The following RASA3 variants were observed in gnomAD, a reference collection of about 807,000 sequenced individuals.
RASA3 encodes the protein RAS p21 protein activator 3, also known as ras GTPase-activating protein 3.
In RASA3, 73 loss-of-function variants were observed where a neutral mutation model predicts 110.0. The observed-to-expected ratio is 0.66, with a 90% CI of 0.55 to 0.81. The LOEUF (loss-of-function observed/expected upper bound fraction) is 0.81. RASA3 is among the 30% of genes least tolerant of loss of function. The pLI is 0.00. For missense variants in RASA3, 976 were observed against 1,113.2 expected (o/e 0.88, Z 1.75); for synonymous variants, 500 against 451.4 (o/e 1.11, Z -1.37).
chr13:114,088,487 G>A (rs887644852), intron 1 of RASA3, among the ~76,000 whole-genome samples: 7 of 151,904 alleles, frequency 4.6e-5, no homozygotes, highest in East Asian at 1.9e-4. Flanking sequence ...ATCACACTTC[G>A]ACTTCCTTAT....
chr13:114,007,744 C>T (rs2053548826), intron 17 of RASA3, 138 bp from the exon 18 acceptor site: 1 of 724,168 alleles, frequency 1.4e-6, no homozygotes, highest in Admixed American at 2.0e-5. Flanking sequence ...GTGAGTCCTT[C>T]CCCGAGGGCT....
chr13:114,118,134 G>A (rs1193089231), intron 1 of RASA3, among the ~76,000 whole-genome samples: 1 of 152,022 alleles, frequency 6.6e-6, no homozygotes, highest in Non-Finnish European at 1.5e-5. Flanking sequence ...ATAAATACGT[G>A]GCCACGTTCA....
chr13:114,132,538 CG>C lies in RASA3; in HGVS notation c.-50del. Reference sequence around the variant, plus strand: ...CCTCGCCCCAAGCGCGCGCCGAGCCCGGGCAGCTCAGGCCGAGCAGGAGGAG... The same window carrying C: ...CCTCGCCCCAAGCGCGCGCCGAGCCCGGCAGCTCAGGCCGAGCAGGAGGAG... On this transcript the variant is annotated 5_prime_UTR_variant, in exon 1 of 24. Coordinates refer to ENST00000334062, the MANE Select transcript of RASA3 (RefSeq NM_007368.4). 7.1e-7 allele frequency: 1 copy of C among 1,406,802 alleles called. No individual in the cohort carries two copies. The highest frequency in any genetic ancestry group is 9.3e-7 in the Non-Finnish European group (1 of 1,076,522). The allele number at this position is 1,406,802 out of a possible 1,614,324, so 87.1% of individuals were successfully genotyped here. A position where few individuals can be genotyped will look rare whatever the true frequency, so the allele number is the denominator to read the frequency against.
At chr13:114,087,736 A>G (rs2139703991) in intron 1 of RASA3, among the ~76,000 whole-genome samples, 1 of 152,364 alleles carries the variant, frequency 6.6e-6, no homozygotes, top group Admixed American at 6.5e-5. Flanking sequence ...CATTTCAGTG[A>G]CAGATAACTT....
intron 7 of RASA3, among the ~76,000 whole-genome samples, chr13:114,024,765 CT>C (rs565880636): frequency 8.5e-5 from 13 of 152,246 alleles, no homozygotes; most frequent in Admixed American, 2.0e-4. Flanking sequence ...CCTCAAGGCT[CT>C]ATTTGCCAAC....
chr13:114,110,592 C>A (rs550859610), intron 1 of RASA3, among the ~76,000 whole-genome samples: 1 of 152,318 alleles, frequency 6.6e-6, no homozygotes, highest in African/African-American at 2.4e-5. Flanking sequence ...CCAGCGTGAG[C>A]CGGCAAAGCA....
intron 4 of RASA3, among the ~76,000 whole-genome samples, chr13:114,038,208 G>A (rs1300974521): frequency 3.9e-5 from 6 of 152,226 alleles, no homozygotes; most frequent in Admixed American, 2.6e-4. Flanking sequence ...CCCCAGCGAC[G>A]GCGGGTATCC....
rs1335449357 is a variant in RASA3, at chr13:113,978,422, G to C, written c.*925C>G. On this transcript the variant is annotated 3_prime_UTR_variant, in exon 24 of 24. Coordinates refer to ENST00000334062, the MANE Select transcript of RASA3 (RefSeq NM_007368.4). The stretch of plus-strand genomic sequence containing the variant: ...GGCAGCCTTCCCTTTAGTGGGTATA[G>C]GTTTTGACGTTCTGAGTTACTTTGT... 6.6e-6 allele frequency: 1 copy of C among 152,134 alleles called. No individual in the cohort carries two copies. The highest frequency in any genetic ancestry group is 2.4e-5 in the African/African-American group (1 of 41,406). The allele number at this position is 152,134 out of a possible 1,614,324, so 9.4% of individuals were successfully genotyped here.
chr13:114,002,728 C>A (rs953747180), intron 18 of RASA3, among the ~76,000 whole-genome samples: 7 of 152,172 alleles, frequency 4.6e-5, no homozygotes, highest in African/African-American at 1.7e-4. Flanking sequence ...TGGAGAGAAG[C>A]CAGTGGCTCC....
chr13:114,052,940 G>A (rs897527057), intron 2 of RASA3, among the ~76,000 whole-genome samples: 14 of 106,798 alleles, frequency 1.3e-4, no homozygotes, highest in African/African-American at 3.8e-4. Context: ...ACTGTACTTA[G>A]AGTCCTCGCT....
rs945882342 is a variant in RASA3 at position 113,992,588 on chromosome 13, G to A, written c.2142C>T (p.Gly714=). ...DSAPGCSPCT[G]GLPANIQLDI... ...CCAGCTGGATGTTGGCTGGGAGGCC[G>A]CTGTCCAGACACAGCAAGAACAGAA... Residue 714 remains glycine, a splice_region_variant and synonymous_variant, in exon 22 of 24, where the codon GGC becomes GGT. Transcript: ENST00000334062. 23 of 1,609,588 alleles carry A rather than the reference G, an allele frequency of 1.4e-5. No individual in the cohort carries two copies. Among genetic ancestry groups the A allele is most frequent in the African/African-American group, 1.1e-4 (8 of 74,890 alleles).
chr13:114,055,918 C>A (rs2079237418), intron 2 of RASA3, among the ~76,000 whole-genome samples: 1 of 152,226 alleles, frequency 6.6e-6, no homozygotes, highest in African/African-American at 2.4e-5. Context: ...AAGCTTCGTT[C>A]ACCATGGAGG....
Position 114,075,468 on chromosome 13 carries a change from T to G in RASA3, c.56-1631A>C, listed in dbSNP as rs2079654192. 3.5e-5 allele frequency among the ~76,000 whole-genome samples: 3 copies of G among 85,408 alleles called. 1 individual carries two copies. Among genetic ancestry groups the G allele is most frequent in the Admixed American group, 2.0e-4 (2 of 9,834 alleles). 56.0% of individuals were successfully genotyped at this position (85,408 alleles called of 152,430 possible). On this transcript the variant is annotated intron_variant, in intron 1 of 23. Coordinates refer to ENST00000334062, the MANE Select transcript of RASA3 (RefSeq NM_007368.4). Reference sequence around the variant, plus strand: ...ACGCCTCCCGTGTCCGCGCCGCGTATCTCTGCGTGTGGAGGCACCGGCAGG... The same window carrying G: ...ACGCCTCCCGTGTCCGCGCCGCGTAGCTCTGCGTGTGGAGGCACCGGCAGG...
At chr13:114,130,937 C>A (rs1032853879) in intron 1 of RASA3, among the ~76,000 whole-genome samples, 1 of 152,274 alleles carries the variant, frequency 6.6e-6, no homozygotes, top group East Asian at 1.9e-4. Context: ...CTGACCCCCA[C>A]GGGCCGCGAC....
Position 114,132,492 on chromosome 13 carries a change from T to C in RASA3, c.-3A>G. The C allele has an allele frequency of 6.8e-7, 1 of 1,475,948 alleles. No homozygotes were observed. The highest frequency in any genetic ancestry group is 9.0e-7 in the Non-Finnish European group (1 of 1,116,790). 91.4% of individuals were successfully genotyped at this position (1,475,948 alleles called of 1,614,324 possible). On this transcript the variant is annotated 5_prime_UTR_variant, in exon 1 of 24. Transcript: ENST00000334062. ...AGCCCCTCGTCCTCCACCGCCATGC[T>C]GCGCGTCCGCGCCCGCCGAGCCTCG...
At chr13:114,102,789 C>A (rs1387736220) in intron 1 of RASA3, among the ~76,000 whole-genome samples, 1 of 152,174 alleles carries the variant, frequency 6.6e-6, no homozygotes, top group East Asian at 1.9e-4. Flanking sequence ...CTTCCTGACC[C>A]CTGGGGAGGG....
At chr13:114,073,223 T>C (rs1728690194) in intron 2 of RASA3, among the ~76,000 whole-genome samples, 1 of 149,046 alleles carries the variant, frequency 6.7e-6, no homozygotes, top group Admixed American at 6.7e-5. Flanking sequence ...CTCGGGACAT[T>C]GTCTACGCAC....
chr13:114,058,110 CAG>C (rs1594400134), intron 2 of RASA3, among the ~76,000 whole-genome samples: 1 of 152,182 alleles, frequency 6.6e-6, no homozygotes, highest in East Asian at 1.9e-4. Context: ...CCTGACCACT[CAG>C]GGGTGTGAGG....
intron 2 of RASA3, among the ~76,000 whole-genome samples, chr13:114,072,600 C>T (rs2079590359): frequency 6.6e-6 from 1 of 152,178 alleles, no homozygotes; most frequent in South Asian, 2.1e-4. Flanking sequence ...AATTAAAAAG[C>T]ACTCGTGCGA....
Sources: gnomAD v4.1 joint callset for allele counts (sites outside exome capture counted in the v4.1 genomes callset) on GRCh38, gnomAD v4.1.1 for gene constraint, MANE v1.5 for transcripts, NCBI Gene and HGNC (gene_info 2026-07-23, HGNC 2026-07-21) for gene names.